C1GALT1: variants seen among roughly 807,000 people sequenced by gnomAD.
The protein encoded by C1GALT1 is core 1 synthase, glycoprotein-N-acetylgalactosamine 3-beta-galactosyltransferase 1.
C1GALT1 carries 11 observed loss-of-function variants against 31.0 expected under a neutral mutation model. The ratio of observed to expected loss-of-function variants is 0.36; its 90% CI spans 0.22 to 0.59. The LOEUF (loss-of-function observed/expected upper bound fraction) is 0.59. Among genes scored for constraint, C1GALT1 ranks in the 20% least tolerant of loss-of-function variants. The pLI, the probability that C1GALT1 is intolerant of heterozygous loss-of-function variation, is 0.79. For missense variants in C1GALT1, 424 were observed against 425.2 expected, an observed-to-expected ratio of 1.00 and a Z score of 0.03; for synonymous variants, 175 against 143.6, an observed-to-expected ratio of 1.22 and a Z score of -1.56.
At chr7:7,216,270 G>A (rs1016057072) in intron 1 of C1GALT1, among the ~76,000 whole-genome samples, 4 of 152,200 alleles carry the variant, frequency 2.6e-5, no homozygotes, top group African/African-American at 9.7e-5. Flanking sequence ...CCAGAGTGGA[G>A]GAGAAGACGG....
At chr7:7,231,798 A>G (rs1327506105) in intron 1 of C1GALT1, among the ~76,000 whole-genome samples, 2 of 152,162 alleles carry the variant, frequency 1.3e-5, no homozygotes, top group Non-Finnish European at 2.9e-5. Flanking sequence ...CCAAAAAAAA[A>G]AAAGTCGTCA....
intron 1 of C1GALT1, among the ~76,000 whole-genome samples, chr7:7,190,028 C>G (rs1235639287): frequency 6.6e-6 from 1 of 151,896 alleles, no homozygotes; most frequent in Non-Finnish European, 1.5e-5. Context: ...TGATGAAGTC[C>G]CTTTATAAGA....
At chr7:7,157,608 G>A (rs1051626670) in intron 2 of C1GALT1, among the ~76,000 whole-genome samples, 1 of 152,094 alleles carries the variant, frequency 6.6e-6, no homozygotes, top group African/African-American at 2.4e-5. Flanking sequence ...TGTCTTGACT[G>A]GCTTCTAAGA....
chr7:7,246,364 T>C lies in C1GALT1; in HGVS notation c.*2637T>C, dbSNP rs1291150968. ...TATTTCCATTTTTATGTATATGATA[T>C]ATGACGTCTGATGCATTGGCCAGTA... is the stretch of plus-strand genomic sequence containing the variant. On this transcript the variant is annotated 3_prime_UTR_variant, in exon 4 of 4. Coordinates refer to ENST00000436587, the MANE Select transcript of C1GALT1 (RefSeq NM_020156.5). The C allele has an allele frequency of 1.3e-5, 2 of 152,204 alleles. No individual in the cohort carries two copies. The highest frequency in any genetic ancestry group is 4.8e-5 in the African/African-American group (2 of 41,442). The allele number at this position is 152,204 out of a possible 1,614,324, so 9.4% of individuals were successfully genotyped here. A position where few individuals can be genotyped will look rare whatever the true frequency, so the allele number is the denominator to read the frequency against.
intron 1 of C1GALT1, among the ~76,000 whole-genome samples, chr7:7,184,842 G>T (rs968571342): frequency 2.0e-5 from 3 of 152,192 alleles, no homozygotes; most frequent in Non-Finnish European, 2.9e-5. Flanking sequence ...ACAAACTATA[G>T]CAAGGCTGAA....
intron 1 of C1GALT1, among the ~76,000 whole-genome samples, chr7:7,197,483 C>T (rs905917082): frequency 6.6e-6 from 1 of 152,158 alleles, no homozygotes; most frequent in Non-Finnish European, 1.5e-5. Flanking sequence ...CATGATGCCT[C>T]CAGCTTTGTT....
At chr7:7,196,415 A>G (rs941851107) in intron 1 of C1GALT1, among the ~76,000 whole-genome samples, 2 of 152,204 alleles carry the variant, frequency 1.3e-5, no homozygotes, top group African/African-American at 4.8e-5. Flanking sequence ...ATGGCTATAT[A>G]GTATTCCATG....
At chr7:7,237,137 A>G (rs952545473) in intron 2 of C1GALT1, among the ~76,000 whole-genome samples, 1 of 152,162 alleles carries the variant, frequency 6.6e-6, no homozygotes, top group African/African-American at 2.4e-5. Context: ...GACTTGTTTT[A>G]TATTTTAGTT....
At chr7:7,166,292 A>G (rs1780391708) in intron 2 of C1GALT1, among the ~76,000 whole-genome samples, 1 of 152,212 alleles carries the variant, frequency 6.6e-6, no homozygotes, top group Non-Finnish European at 1.5e-5. Context: ...AAATTGTGGT[A>G]TATTCTTATA....
chr7:7,192,309 C>T (rs1474794027), intron 1 of C1GALT1, among the ~76,000 whole-genome samples: 3 of 151,954 alleles, frequency 2.0e-5, no homozygotes, highest in Non-Finnish European at 4.4e-5. Context: ...CCCTTTACTT[C>T]AAGTTCCCAA....
chr7:7,229,921 G>GA (rs1189318612), intron 1 of C1GALT1, among the ~76,000 whole-genome samples: 9 of 152,174 alleles, frequency 5.9e-5, no homozygotes, highest in Admixed American at 5.9e-4. Context: ...CTACCTTTCT[G>GA]AACTTGAAGG....
At chr7:7,160,725 C>G (rs767252847) in intron 2 of C1GALT1, among the ~76,000 whole-genome samples, 7 of 151,974 alleles carry the variant, frequency 4.6e-5, no homozygotes, top group African/African-American at 1.7e-4. Flanking sequence ...GGGCGTGTGT[C>G]GAAGTACATG....
intron 1 of C1GALT1, among the ~76,000 whole-genome samples, chr7:7,212,995 TAA>T (rs1373873143): frequency 1.3e-5 from 2 of 152,184 alleles, no homozygotes; most frequent in African/African-American, 4.8e-5. Flanking sequence ...TAGTTTAGAA[TAA>T]GTTTCCTTGA....
Position 7,247,012 on chromosome 7 carries a change from G to A in C1GALT1, c.*3285G>A, listed in dbSNP as rs1002484119. The A allele has an allele frequency of 6.6e-6, 1 of 152,174 alleles. No homozygotes were observed. Among genetic ancestry groups the A allele is most frequent in the Non-Finnish European group, 1.5e-5 (1 of 68,006 alleles). The allele number at this position is 152,174 out of a possible 1,614,324, so 9.4% of individuals were successfully genotyped here. On this transcript the variant is annotated 3_prime_UTR_variant, in exon 4 of 4. Coordinates refer to ENST00000436587, the MANE Select transcript of C1GALT1 (RefSeq NM_020156.5). ...GTTTAGTAATTTTATATTGAGGCAG[G>A]AAGGGCTCATTAAGTACTAATAAGT... is the stretch of plus-strand genomic sequence containing the variant.
At chr7:7,211,717 T>C (rs1332128073) in intron 1 of C1GALT1, among the ~76,000 whole-genome samples, 1 of 152,232 alleles carries the variant, frequency 6.6e-6, no homozygotes, top group African/African-American at 2.4e-5. Flanking sequence ...CTTCGGGTTA[T>C]GGATACCCTA....
intron 1 of C1GALT1, among the ~76,000 whole-genome samples, chr7:7,224,698 C>G (rs1327028768): frequency 6.6e-6 from 1 of 151,938 alleles, no homozygotes; most frequent in Non-Finnish European, 1.5e-5. Context: ...TGTATTATTC[C>G]TGCTATTGGT....
At chr7:7,185,596 C>T (rs1362236643) in intron 1 of C1GALT1, among the ~76,000 whole-genome samples, 2 of 152,176 alleles carry the variant, frequency 1.3e-5, no homozygotes, top group Non-Finnish European at 2.9e-5. Flanking sequence ...CAGTCTGTGA[C>T]TCTGTTATCA....
intron 3 of C1GALT1, among the ~76,000 whole-genome samples, chr7:7,241,641 G>A (rs1783634783): frequency 6.6e-6 from 1 of 151,702 alleles, no homozygotes; most frequent in Non-Finnish European, 1.5e-5. Flanking sequence ...TTCTACTTGG[G>A]CTTTTAAAGA....
chr7:7,198,863 G>T (rs1405326864), intron 1 of C1GALT1, among the ~76,000 whole-genome samples: 3 of 152,176 alleles, frequency 2.0e-5, no homozygotes, highest in African/African-American at 7.2e-5. Flanking sequence ...TTGTATTTCT[G>T]TGGGATCGGT....
Sources: allele counts gnomAD v4.1 joint callset (sites outside exome capture counted in the v4.1 genomes callset), GRCh38; gene constraint gnomAD v4.1.1; transcripts MANE v1.5; gene names NCBI Gene and HGNC (gene_info 2026-07-23, HGNC 2026-07-21).